The following MRTFB variants were observed in gnomAD, a reference collection of about 807,000 sequenced individuals.
MRTFB encodes myocardin-related transcription factor B.
In MRTFB, 29 loss-of-function variants were observed where a neutral mutation model predicts 104.2. The observed-to-expected ratio is 0.28, with a 90% CI of 0.21 to 0.38. The LOEUF is 0.38. Ranked by LOEUF, MRTFB falls within the 10% of genes least tolerant of loss-of-function variation. The pLI is 1.00. For synonymous variants in MRTFB, 535 were observed against 519.5 expected (o/e 1.03, Z -0.41); for missense variants, 1,270 against 1,341.6 (o/e 0.95, Z 0.83).
At chr16:14,028,943 C>T in the MRTFB span, among the ~76,000 whole-genome samples, 3 of 152,118 alleles carry the variant, frequency 2.0e-5, no homozygotes, top group African/African-American at 7.2e-5. Flanking sequence ...GTTTGTTCTT[C>T]CCACTGATGT....
chr16:14,142,888 A>G (rs1240558836), intron 3 of MRTFB: 1 of 152,212 alleles, frequency 6.6e-6, no homozygotes, highest in Non-Finnish European at 1.5e-5. Context: ...AAGGAAATAG[A>G]TTAAATGGTA....
At chr16:14,037,581 G>C in the MRTFB span, among the ~76,000 whole-genome samples, 1 of 152,126 alleles carries the variant, frequency 6.6e-6, no homozygotes, top group Admixed American at 6.5e-5. Flanking sequence ...TCTGATCACT[G>C]CCTCCGTATT....
intron 3 of MRTFB, among the ~76,000 whole-genome samples, chr16:14,155,110 T>C (rs1174957651): frequency 1.3e-5 from 2 of 152,232 alleles, no homozygotes; most frequent in African/African-American, 2.4e-5. Flanking sequence ...TTTTGTCTTA[T>C]GTGTTCTGTC....
intron 3 of MRTFB, among the ~76,000 whole-genome samples, chr16:14,168,263 C>T (rs1228435701): frequency 6.7e-6 from 1 of 149,060 alleles, no homozygotes; most frequent in Non-Finnish European, 1.5e-5. Context: ...CTATATATAA[C>T]AAAATGCACA....
rs2043751731 is a variant in MRTFB at position 14,260,970 on chromosome 16, C to T, written c.2826C>T (p.Ala942=). The change falls in exon 17 of 17, where the codon GCC becomes GCT. Residue 942 remains alanine (A), a synonymous_variant. Coordinates refer to ENST00000571589, the MANE Select transcript of MRTFB (RefSeq NM_001308142.2). Reference sequence around the variant, plus strand: ...TTTCCAAAATGAGACCAGTGACAGCCAGCATCACCACAATGCCAGTGAATA... The same window carrying T: ...TTTCCAAAATGAGACCAGTGACAGCTAGCATCACCACAATGCCAGTGAATA... The part of the protein sequence containing the change: ...SPISKMRPVT[A]SITTMPVNTV... The T allele has an allele frequency of 1.2e-6, 2 of 1,614,016 alleles. No homozygotes were observed. The highest frequency in any genetic ancestry group is 1.7e-6 in the Non-Finnish European group (2 of 1,180,016).
At chr16:14,099,575 G>T (rs1369295217) in intron 2 of MRTFB, among the ~76,000 whole-genome samples, 2 of 151,504 alleles carry the variant, frequency 1.3e-5, no homozygotes, top group African/African-American at 4.8e-5. Flanking sequence ...CTGTTGGCCT[G>T]ACTGGTCAAG....
intron 2 of MRTFB, among the ~76,000 whole-genome samples, chr16:14,138,894 G>T (rs946468678): frequency 5.3e-5 from 8 of 152,096 alleles, no homozygotes; most frequent in Non-Finnish European, 1.0e-4. Context: ...CTGAAAAAAA[G>T]TTGATTCGTA....
At chr16:14,209,212 C>T (rs1370056663) in intron 3 of MRTFB, among the ~76,000 whole-genome samples, 10 of 152,206 alleles carry the variant, frequency 6.6e-5, no homozygotes, top group Non-Finnish European at 1.3e-4. Context: ...TGCATTTGAG[C>T]CTCTCATTCC....
At chr16:14,041,623 T>A in the MRTFB span, among the ~76,000 whole-genome samples, 2 of 152,136 alleles carry the variant, frequency 1.3e-5, no homozygotes, top group African/African-American at 4.8e-5. Context: ...GCTATGAACA[T>A]GAGTATATAA....
the MRTFB span, among the ~76,000 whole-genome samples, chr16:14,011,939 T>G: frequency 6.6e-6 from 1 of 152,276 alleles, no homozygotes; most frequent in East Asian, 1.9e-4. Context: ...GGGAACCCAC[T>G]TGGGAATTGC....
intron 3 of MRTFB, among the ~76,000 whole-genome samples, chr16:14,155,203 CCT>C (rs200502444): frequency 0.011 from 1,640 of 151,852 alleles, 31 homozygotes; most frequent in African/African-American, 0.038. Flanking sequence ...ATTAGATATA[CCT>C]CTTTTTTTCA....
chr16:14,043,894 C>A, the MRTFB span, among the ~76,000 whole-genome samples: 1 of 152,196 alleles, frequency 6.6e-6, no homozygotes, highest in Non-Finnish European at 1.5e-5. Flanking sequence ...AGTGAGAAAA[C>A]CTCAATGGAC....
intron 3 of MRTFB, among the ~76,000 whole-genome samples, chr16:14,204,418 A>G (rs2040851402): frequency 6.6e-6 from 1 of 152,224 alleles, no homozygotes; most frequent in African/African-American, 2.4e-5. Flanking sequence ...AAGAGCTGTA[A>G]CACTTAAGAT....
chr16:14,240,613 A>G (rs1245479063), intron 10 of MRTFB, 129 bp downstream of exon 10: 1 of 1,467,824 alleles, frequency 6.8e-7, no homozygotes, highest in African/African-American at 1.4e-5. Context: ...CTTTGTTATC[A>G]GAGCTTATCA....
intron 13 of MRTFB, among the ~76,000 whole-genome samples, chr16:14,250,739 G>T (rs761841561): frequency 7.9e-5 from 12 of 152,168 alleles, no homozygotes; most frequent in South Asian, 2.1e-4. Flanking sequence ...GGTCTATGCC[G>T]CAAGGCTGCT....
At chr16:14,054,003 C>T in the MRTFB span, among the ~76,000 whole-genome samples, 3 of 152,048 alleles carry the variant, frequency 2.0e-5, no homozygotes, top group African/African-American at 7.2e-5. Flanking sequence ...TGTGCTAGTT[C>T]GTTTTCAGTC....
At chr16:14,253,320 C>T (rs1009303290) in intron 15 of MRTFB, among the ~76,000 whole-genome samples, 11 of 152,290 alleles carry the variant, frequency 7.2e-5, no homozygotes, top group South Asian at 2.1e-4. Flanking sequence ...GCCCTGACAC[C>T]GCTCCATGGG....
rs1303643350 is a variant in MRTFB, at chr16:14,140,729, A to G, written c.123A>G (p.Gln41=). The G allele has an allele frequency of 1.9e-6, 3 of 1,614,172 alleles. No homozygotes were observed. The highest frequency in any genetic ancestry group is 1.3e-5 in the African/African-American group (1 of 75,036). Residue 41 remains glutamine, a synonymous_variant, in exon 3 of 17, where the codon CAA becomes CAG. Coordinates refer to ENST00000571589, the MANE Select transcript of MRTFB (RefSeq NM_001308142.2). ...AGGAACTCTCCTTGCAGTCCAGTCA[A>G]AACTTACCCCCTCTGAACGAAAGGA... ...EFQELSLQSS[Q]NLPPLNERKN...
intron 1 of MRTFB, among the ~76,000 whole-genome samples, chr16:14,072,141 C>T (rs1170784772): frequency 1.3e-5 from 2 of 152,120 alleles, no homozygotes; most frequent in Non-Finnish European, 2.9e-5. Context: ...ATTTTTGTTT[C>T]AGCACGCGAT....
Sources: gnomAD v4.1 joint callset for allele counts (sites outside exome capture counted in the v4.1 genomes callset) on GRCh38, gnomAD v4.1.1 for gene constraint, MANE v1.5 for transcripts, NCBI Gene and HGNC (gene_info 2026-07-23, HGNC 2026-07-21) for gene names.